Variants in SNTG1 observed in about 807,000 individuals in gnomAD.
The protein encoded by SNTG1 is gamma-1-syntrophin.
In SNTG1, 39 loss-of-function variants were observed where a neutral mutation model predicts 74.7. The observed-to-expected ratio is 0.52, with a 90% CI of 0.40 to 0.68. The LOEUF (loss-of-function observed/expected upper bound fraction) is 0.68, where lower values mean the gene tolerates loss of function less well. Ranked by LOEUF, SNTG1 falls within the 30% of genes least tolerant of loss-of-function variation. The pLI is 0.00. For synonymous variants in SNTG1, 254 were observed against 217.1 expected, an observed-to-expected ratio of 1.17 and a Z score of -1.49; for missense variants, 685 against 609.5, an observed-to-expected ratio of 1.12 and a Z score of -1.30.
chr8:50,138,659 AATAAT>A (rs2081559212), intron 1 of SNTG1, among the ~76,000 whole-genome samples: 1 of 148,870 alleles, frequency 6.7e-6, no homozygotes, highest in African/African-American at 2.5e-5. Flanking sequence ...TAATAATAAT[AATAAT>A]AATAATTCCT....
intron 18 of SNTG1, among the ~76,000 whole-genome samples, chr8:50,787,973 A>G (rs1429045563): frequency 6.6e-6 from 1 of 152,078 alleles, no homozygotes; most frequent in African/African-American, 2.4e-5. Flanking sequence ...TGCTTTAAAC[A>G]GGTGAGTATT....
rs114949113 is a variant in SNTG1 at position 50,295,101 on chromosome 8, C to T, written c.-27-99111C>T. ...AGTCTGAGAAGGAAACAATTTAAGA[C>T]AATACCTACCTCCAAGACATTTTGC... is the stretch of plus-strand genomic sequence containing the variant. On this transcript the variant is annotated intron_variant, in intron 2 of 18. Transcript: ENST00000642720. Among the ~76,000 whole-genome samples, 1,284 of 152,280 alleles carry T rather than the reference C, an allele frequency of 8.4e-3. 20 individuals are homozygous for T. The highest frequency in any genetic ancestry group is 0.029 in the African/African-American group (1,218 of 41,564).
chr8:50,501,709 C>T (rs758057015), intron 8 of SNTG1, among the ~76,000 whole-genome samples: 11 of 151,438 alleles, frequency 7.3e-5, no homozygotes, highest in African/African-American at 1.9e-4. Flanking sequence ...CCACCTGCCT[C>T]GGTCTCCCAA....
At chr8:50,260,373 C>T (rs1199212180) in intron 2 of SNTG1, among the ~76,000 whole-genome samples, 1 of 152,040 alleles carries the variant, frequency 6.6e-6, no homozygotes, top group East Asian at 1.9e-4. Context: ...TAAGTCACAA[C>T]ACAGAGGCAC....
intron 4 of SNTG1, among the ~76,000 whole-genome samples, chr8:50,412,280 A>T (rs1429484518): frequency 6.6e-6 from 1 of 151,756 alleles, no homozygotes; most frequent in African/African-American, 2.4e-5. Context: ...TTTATTGACA[A>T]CTCTTTAATA....
chr8:50,280,385 A>G (rs2088373071), intron 2 of SNTG1, among the ~76,000 whole-genome samples: 1 of 152,218 alleles, frequency 6.6e-6, no homozygotes, highest in Non-Finnish European at 1.5e-5. Context: ...TAAATGTCTC[A>G]ATGTTCCAGT....
At chr8:50,267,028 T>C (rs747239954) in intron 2 of SNTG1, among the ~76,000 whole-genome samples, 2 of 152,088 alleles carry the variant, frequency 1.3e-5, no homozygotes, top group Non-Finnish European at 2.9e-5. Flanking sequence ...AAGATTTTCA[T>C]TCTGCTATCC....
In SNTG1 at chr8:50,752,049, G is replaced by A; in HGVS notation, c.1333G>A (p.Asp445Asn). The A allele has an allele frequency of 1.9e-6, 3 of 1,568,316 alleles. No homozygotes were observed. The highest frequency in any genetic ancestry group is 2.6e-6 in the Non-Finnish European group (3 of 1,161,232). ...KFSQLKGSSD[D>N]GKSKIKFLFQ... ...CTCTCAGCTTAAAGGTTCTTCAGAT[G>A]ATGGCAAGAGCAAAATCAAATTTTT... The change falls in exon 18 of 19, where the codon GAT becomes AAT. Residue 445 changes from aspartate to asparagine, a missense_variant. Transcript: ENST00000642720.
At chr8:50,433,390 G>A (rs902992710) in intron 4 of SNTG1, among the ~76,000 whole-genome samples, 2 of 151,604 alleles carry the variant, frequency 1.3e-5, no homozygotes, top group African/African-American at 2.4e-5. Flanking sequence ...TGGCAATGGT[G>A]AACAGGGATA....
chr8:50,055,836 A>G (rs772133451), intron 1 of SNTG1, among the ~76,000 whole-genome samples: 7 of 152,144 alleles, frequency 4.6e-5, no homozygotes, highest in Admixed American at 1.3e-4. Flanking sequence ...AAACAAACAC[A>G]TTAATGTATT....
intron 1 of SNTG1, among the ~76,000 whole-genome samples, chr8:50,113,167 T>C (rs2080671918): frequency 6.6e-6 from 1 of 152,162 alleles, no homozygotes; most frequent in Admixed American, 6.5e-5. Context: ...GGGGATGGCA[T>C]TGAATCTATA....
At chr8:50,165,760 C>T (rs2082592941) in intron 1 of SNTG1, among the ~76,000 whole-genome samples, 1 of 152,178 alleles carries the variant, frequency 6.6e-6, no homozygotes, top group Admixed American at 6.5e-5. Context: ...TATGTTGATA[C>T]ATACATTTGT....
chr8:50,698,980 T>G (rs2131494952), intron 15 of SNTG1, among the ~76,000 whole-genome samples: 1 of 152,178 alleles, frequency 6.6e-6, no homozygotes, highest in African/African-American at 2.4e-5. Flanking sequence ...GATTTTGGAG[T>G]TTCTTCGTGT....
At chr8:50,117,403 A>G (rs2131338904) in intron 1 of SNTG1, among the ~76,000 whole-genome samples, 1 of 152,290 alleles carries the variant, frequency 6.6e-6, no homozygotes, top group East Asian at 1.9e-4. Context: ...TAAACAAGAA[A>G]GAATTGTCCT....
At chr8:49,940,884 A>G (rs1808625847) in intron 1 of SNTG1, among the ~76,000 whole-genome samples, 1 of 152,200 alleles carries the variant, frequency 6.6e-6, no homozygotes, top group Non-Finnish European at 1.5e-5. Flanking sequence ...GGGGTCAGGA[A>G]TGACTGCTCT....
intron 2 of SNTG1, among the ~76,000 whole-genome samples, chr8:50,348,066 A>T (rs2091535367): frequency 6.6e-6 from 1 of 152,204 alleles, no homozygotes; most frequent in Non-Finnish European, 1.5e-5. Flanking sequence ...ATTGAAAAGG[A>T]TGATAAAACT....
intron 15 of SNTG1, among the ~76,000 whole-genome samples, chr8:50,673,284 T>C (rs1187708328): frequency 2.0e-5 from 3 of 152,156 alleles, no homozygotes; most frequent in Middle Eastern, 3.2e-3. Context: ...GCCATTTTCA[T>C]GATATTGATT....
intron 1 of SNTG1, among the ~76,000 whole-genome samples, chr8:50,010,785 C>CTTT (rs774350614): frequency 2.4e-3 from 214 of 88,962 alleles, no homozygotes; most frequent in African/African-American, 6.1e-3. Flanking sequence ...ACAGGCCTCT[C>CTTT]TTTTTTTTTT....
intron 1 of SNTG1, among the ~76,000 whole-genome samples, chr8:50,158,164 T>G (rs1259880348): frequency 6.6e-6 from 1 of 152,148 alleles, no homozygotes; most frequent in Non-Finnish European, 1.5e-5. Flanking sequence ...AAGGGTTCTC[T>G]TCCCATTATC....
Sources: gnomAD v4.1 joint callset for allele counts (sites outside exome capture counted in the v4.1 genomes callset) on GRCh38, gnomAD v4.1.1 for gene constraint, MANE v1.5 for transcripts, NCBI Gene and HGNC (gene_info 2026-07-23, HGNC 2026-07-21) for gene names.